Variants in MACROD2 observed in about 807,000 individuals in gnomAD.
MACROD2 encodes the protein mono-ADP ribosylhydrolase 2, also known as ADP-ribose glycohydrolase MACROD2.
A neutral mutation model predicts 70.4 loss-of-function variants in MACROD2; 36 were observed. That is an observed-to-expected ratio of 0.51 (90% CI 0.39 to 0.68). The LOEUF (loss-of-function observed/expected upper bound fraction) is 0.68. MACROD2 is among the 30% of genes least tolerant of loss of function. MACROD2 has a pLI of 0.00. For synonymous variants in MACROD2, 172 were observed against 178.8 expected (o/e 0.96, Z 0.30); for missense variants, 496 against 538.4 (o/e 0.92, Z 0.78).
At chr20:14,619,052 G>C (rs941500261) in intron 4 of MACROD2, among the ~76,000 whole-genome samples, 8 of 151,744 alleles carry the variant, frequency 5.3e-5, no homozygotes, top group African/African-American at 1.9e-4. Flanking sequence ...TTAAAATAAC[G>C]ATCATAGCCA....
At chr20:14,898,774 T>C (rs2073860760) in intron 5 of MACROD2, among the ~76,000 whole-genome samples, 1 of 152,130 alleles carries the variant, frequency 6.6e-6, no homozygotes, top group African/African-American at 2.4e-5. Flanking sequence ...CAGAAACCTT[T>C]AGCTGGCTGA....
chr20:15,188,402 A>G (rs773265757), intron 5 of MACROD2, among the ~76,000 whole-genome samples: 7 of 152,194 alleles, frequency 4.6e-5, no homozygotes, highest in Non-Finnish European at 7.3e-5. Context: ...GAGTCGAGCA[A>G]CATGGTTAGT....
At chr20:15,195,109 A>G (rs1471353835) in intron 5 of MACROD2, among the ~76,000 whole-genome samples, 1 of 152,202 alleles carries the variant, frequency 6.6e-6, no homozygotes, top group African/African-American at 2.4e-5. Context: ...ACTTAAATGT[A>G]AAACCCAAAA....
intron 3 of MACROD2, among the ~76,000 whole-genome samples, chr20:14,094,107 G>A (rs2054190566): frequency 6.6e-6 from 1 of 152,040 alleles, no homozygotes. Context: ...GAAGGATTAA[G>A]TTTAAGGGGG....
chr20:15,633,732 C>A (rs1260530859), intron 8 of MACROD2, among the ~76,000 whole-genome samples: 1 of 152,094 alleles, frequency 6.6e-6, no homozygotes, highest in Admixed American at 6.6e-5. Flanking sequence ...GAATCTATTA[C>A]CATAATTAAG....
chr20:14,138,691 A>C (rs969526055), intron 3 of MACROD2, among the ~76,000 whole-genome samples: 2 of 151,882 alleles, frequency 1.3e-5, no homozygotes, highest in African/African-American at 2.4e-5. Context: ...TTGGAGACCT[A>C]ATGTATTGTA....
At chr20:15,701,191 A>G (rs1051190028) in intron 8 of MACROD2, among the ~76,000 whole-genome samples, 1 of 152,242 alleles carries the variant, frequency 6.6e-6, no homozygotes, top group Non-Finnish European at 1.5e-5. Flanking sequence ...CTTTTGTGCC[A>G]CAATGGCAGA....
At chr20:15,832,608 A>G (rs73614470) in intron 8 of MACROD2, among the ~76,000 whole-genome samples, 1,898 of 152,346 alleles carry the variant, frequency 0.012, 61 homozygotes, top group South Asian at 0.092. Context: ...CCCGTTTATA[A>G]ATTGCCAGGC....
intron 5 of MACROD2, among the ~76,000 whole-genome samples, chr20:15,064,770 T>C (rs1394793517): frequency 1.3e-5 from 2 of 152,280 alleles, no homozygotes; most frequent in East Asian, 1.9e-4. Flanking sequence ...ATAGATTCCA[T>C]TACACTCCGC....
At chr20:15,046,227 AAAGT>A (rs2075393835) in intron 5 of MACROD2, among the ~76,000 whole-genome samples, 1 of 152,160 alleles carries the variant, frequency 6.6e-6, no homozygotes, top group Admixed American at 6.5e-5. Flanking sequence ...CTGTTTTGTA[AAAGT>A]AAGAGACAAC....
intron 5 of MACROD2, among the ~76,000 whole-genome samples, chr20:14,911,191 G>C (rs2074022566): frequency 6.6e-6 from 1 of 152,104 alleles, no homozygotes; most frequent in Non-Finnish European, 1.5e-5. Context: ...TATTGAATGA[G>C]AGTCCGTATT....
chr20:15,320,360 T>C (rs2077861407), intron 6 of MACROD2, among the ~76,000 whole-genome samples: 1 of 152,226 alleles, frequency 6.6e-6, no homozygotes, highest in Non-Finnish European at 1.5e-5. Context: ...ATTTTGAGTA[T>C]ACTAAACGCC....
At chr20:14,141,453 G>A (rs2054871767) in intron 3 of MACROD2, among the ~76,000 whole-genome samples, 1 of 152,110 alleles carries the variant, frequency 6.6e-6, no homozygotes, top group African/African-American at 2.4e-5. Flanking sequence ...TTGCTATAAA[G>A]ATTAAAGGGC....
chr20:15,636,415 A>G (rs1295226822), intron 8 of MACROD2, among the ~76,000 whole-genome samples: 3 of 152,230 alleles, frequency 2.0e-5, no homozygotes, highest in African/African-American at 7.2e-5. Context: ...ATCTAGTCTC[A>G]GAAGACAATG....
intron 5 of MACROD2, among the ~76,000 whole-genome samples, chr20:14,742,948 A>T (rs917652692): frequency 7.1e-6 from 1 of 141,556 alleles, no homozygotes; most frequent in Non-Finnish European, 1.5e-5. Flanking sequence ...TTGTATTTTT[A>T]GTAGAGACGG....
rs2073812691 is a variant in MACROD2 at position 14,895,188 on chromosome 20, T to A, written c.418+210229T>A. 3 of 152,162 alleles carry A rather than the reference T, an allele frequency of 2.0e-5. No individual in the cohort carries two copies. The South Asian group carries it at 6.2e-4, about 32-fold the overall frequency. The allele number at this position is 152,162 out of a possible 1,614,324, so 9.4% of individuals were successfully genotyped here. A position where few individuals can be genotyped will look rare whatever the true frequency, so the allele number is the denominator to read the frequency against. The stretch of plus-strand genomic sequence containing the variant: ...TAAAAAAGCTAGGAAGGGAAAAGCT[T>A]AAAGGAATGTGTGTTGGGAAGTGCT... On this transcript the variant is annotated intron_variant, in intron 5 of 17. Transcript: ENST00000684519.
At chr20:15,787,712 ATCT>A (rs1056952056) in intron 8 of MACROD2, among the ~76,000 whole-genome samples, 8 of 152,198 alleles carry the variant, frequency 5.3e-5, no homozygotes, top group Non-Finnish European at 1.2e-4. Context: ...TGCTTTAAAA[ATCT>A]TCTTTTTTAA....
intron 6 of MACROD2, among the ~76,000 whole-genome samples, chr20:15,288,327 C>G (rs948133463): frequency 6.6e-6 from 1 of 152,164 alleles, no homozygotes; most frequent in Non-Finnish European, 1.5e-5. Context: ...GTGAGCAGAA[C>G]GGCAGTTCCA....
chr20:15,353,545 C>T (rs1005547440), intron 6 of MACROD2, among the ~76,000 whole-genome samples: 1 of 152,044 alleles, frequency 6.6e-6, no homozygotes, highest in African/African-American at 2.4e-5. Flanking sequence ...GCAAAAGAAA[C>T]TAGCATCACA....
Sources: allele counts gnomAD v4.1 joint callset (sites outside exome capture counted in the v4.1 genomes callset), GRCh38; gene constraint gnomAD v4.1.1; transcripts MANE v1.5; gene names NCBI Gene and HGNC (gene_info 2026-07-23, HGNC 2026-07-21).